GPC5: variants seen among roughly 807,000 people sequenced by gnomAD.
GPC5 encodes the protein glypican 5.
A neutral mutation model predicts 53.9 loss-of-function variants in GPC5; 47 were observed. That is an observed-to-expected ratio of 0.87 (90% confidence interval 0.69 to 1.11). The LOEUF (loss-of-function observed/expected upper bound fraction) is 1.11, where lower values mean the gene tolerates loss of function less well. Ranked by LOEUF, GPC5 falls within the 50% of genes most tolerant of loss-of-function variation. The probability of loss-of-function intolerance (pLI) is 0.00; values close to 1 mark genes in which losing one functional copy is unlikely to be tolerated. For missense variants in GPC5, 748 were observed against 713.1 expected (o/e 1.05, Z -0.56); for synonymous variants, 286 against 263.3 (o/e 1.09, Z -0.84).
chr13:91,534,343 C>T (rs971008087), intron 2 of GPC5, among the ~76,000 whole-genome samples: 6 of 152,088 alleles, frequency 3.9e-5, no homozygotes, highest in African/African-American at 1.4e-4. Context: ...AATATATTAT[C>T]TTAGATATAC....
At chr13:91,974,608 T>G (rs868014947) in intron 6 of GPC5, among the ~76,000 whole-genome samples, 15 of 151,996 alleles carry the variant, frequency 9.9e-5, no homozygotes, top group East Asian at 1.9e-4. Context: ...CACTGCTCAA[T>G]GAAATAAAAG....
chr13:91,607,390 T>A (rs2033405851), intron 2 of GPC5, among the ~76,000 whole-genome samples: 1 of 152,198 alleles, frequency 6.6e-6, no homozygotes, highest in Non-Finnish European at 1.5e-5. Flanking sequence ...TTACCCTTGC[T>A]ACATATGCTT....
chr13:92,847,187 C>G (rs1878639882), intron 7 of GPC5, among the ~76,000 whole-genome samples: 1 of 152,152 alleles, frequency 6.6e-6, no homozygotes, highest in Admixed American at 6.6e-5. Context: ...GAATCAATAT[C>G]CTTTTTTACA....
chr13:91,915,502 G>T lies in GPC5; in HGVS notation c.1401+7445G>T, dbSNP rs77000622. 5.5e-4 allele frequency among the ~76,000 whole-genome samples: 84 copies of T among 152,134 alleles called. No individual in the cohort carries two copies. In the East Asian group the frequency reaches 7.1e-3, roughly 13 times the overall value. On this transcript the variant is annotated intron_variant, in intron 6 of 7. Coordinates refer to ENST00000377067, the MANE Select transcript of GPC5 (RefSeq NM_004466.6). ...TAAAGTATGTAATTGTTTTGTGTTG[G>T]ATAAAAATTTGACTTTTCATTTATG...
chr13:92,401,246 G>C (rs1875544613), intron 7 of GPC5, among the ~76,000 whole-genome samples: 1 of 150,484 alleles, frequency 6.6e-6, no homozygotes, highest in African/African-American at 2.4e-5. Context: ...TAATACTTAA[G>C]TTCTTTATGG....
At chr13:92,089,447 A>C (rs1010491999) in intron 6 of GPC5, among the ~76,000 whole-genome samples, 20 of 152,162 alleles carry the variant, frequency 1.3e-4, no homozygotes, top group Non-Finnish European at 2.5e-4. Context: ...AAAATAAATA[A>C]ATAAGCAAAC....
At chr13:92,409,905 G>A (rs1875966692) in intron 7 of GPC5, among the ~76,000 whole-genome samples, 1 of 152,142 alleles carries the variant, frequency 6.6e-6, no homozygotes, top group Non-Finnish European at 1.5e-5. Context: ...ACGACTTTAA[G>A]GAGAAGGAAA....
chr13:92,443,321 G>A (rs760892277), intron 7 of GPC5, among the ~76,000 whole-genome samples: 13 of 152,162 alleles, frequency 8.5e-5, no homozygotes, highest in Non-Finnish European at 1.8e-4. Context: ...TGTCTAACAT[G>A]GGGGATCATA....
At chr13:92,154,016 T>C (rs1372443548) in intron 7 of GPC5, among the ~76,000 whole-genome samples, 1 of 152,210 alleles carries the variant, frequency 6.6e-6, no homozygotes, top group Non-Finnish European at 1.5e-5. Flanking sequence ...AGGTTCATTT[T>C]GGCTCAAGTT....
intron 1 of GPC5, among the ~76,000 whole-genome samples, chr13:91,437,049 G>C (rs982605181): frequency 1.3e-5 from 2 of 151,910 alleles, no homozygotes; most frequent in African/African-American, 4.8e-5. Flanking sequence ...GTTAGATCTT[G>C]CTCCATCCCT....
chr13:91,716,189 T>C (rs1464759315), intron 3 of GPC5, among the ~76,000 whole-genome samples: 12 of 152,196 alleles, frequency 7.9e-5, no homozygotes, highest in Admixed American at 7.9e-4. Flanking sequence ...TTTTTCATTA[T>C]TCAAAATAAA....
intron 5 of GPC5, among the ~76,000 whole-genome samples, chr13:91,763,666 T>C (rs773737798): frequency 9.2e-5 from 14 of 152,214 alleles, no homozygotes; most frequent in Non-Finnish European, 1.5e-5. Context: ...ATTTGCAGGA[T>C]TCTTGGCTGT....
At chr13:92,500,568 C>G (rs1880146374) in intron 7 of GPC5, among the ~76,000 whole-genome samples, 1 of 152,160 alleles carries the variant, frequency 6.6e-6, no homozygotes, top group South Asian at 2.1e-4. Context: ...AGCCATAACT[C>G]TATCCTGAGG....
chr13:92,092,195 C>T (rs1475238088), intron 6 of GPC5, among the ~76,000 whole-genome samples: 1 of 152,162 alleles, frequency 6.6e-6, no homozygotes, highest in East Asian at 1.9e-4. Flanking sequence ...CTCTGCATAC[C>T]TCTTATGCAT....
At chr13:92,821,646 A>G (rs1383930963) in intron 7 of GPC5, among the ~76,000 whole-genome samples, 1 of 152,138 alleles carries the variant, frequency 6.6e-6, no homozygotes, top group African/African-American at 2.4e-5. Flanking sequence ...CAGTATTTTT[A>G]AAAATACACT....
At chr13:92,094,635 C>T (rs2138902005) in intron 6 of GPC5, among the ~76,000 whole-genome samples, 1 of 148,324 alleles carries the variant, frequency 6.7e-6, no homozygotes, top group South Asian at 2.1e-4. Flanking sequence ...CAGAATGTAA[C>T]AAACTATATA....
At chr13:91,698,843 G>A (rs1006406793) in intron 3 of GPC5, among the ~76,000 whole-genome samples, 1 of 152,170 alleles carries the variant, frequency 6.6e-6, no homozygotes, top group African/African-American at 2.4e-5. Flanking sequence ...GTGGCAGAGT[G>A]CATCACCTTC....
intron 7 of GPC5, among the ~76,000 whole-genome samples, chr13:92,424,672 T>C (rs1350420970): frequency 6.6e-6 from 1 of 151,994 alleles, no homozygotes; most frequent in Non-Finnish European, 1.5e-5. Flanking sequence ...TTCGTGGGTC[T>C]CTCTTCCACT....
intron 2 of GPC5, among the ~76,000 whole-genome samples, chr13:91,519,862 A>G (rs1245497955): frequency 2.2e-5 from 3 of 137,092 alleles, no homozygotes; most frequent in Admixed American, 8.0e-5. Context: ...GGTTAACTCT[A>G]GAGTACGTTA....
Sources: allele counts gnomAD v4.1 joint callset (sites outside exome capture counted in the v4.1 genomes callset), GRCh38; gene constraint gnomAD v4.1.1; transcripts MANE v1.5; gene names NCBI Gene and HGNC (gene_info 2026-07-23, HGNC 2026-07-21).